SNX10: variants seen among roughly 807,000 people sequenced by gnomAD.
SNX10 encodes the protein sorting nexin 10.
In SNX10, 25 loss-of-function variants were observed where a neutral mutation model predicts 28.5. The observed-to-expected ratio is 0.88, with a 90% CI of 0.64 to 1.22. SNX10 has a LOEUF of 1.22. Among genes scored for constraint, SNX10 ranks in the 50% most tolerant of loss-of-function variants. The pLI is 0.00. For missense variants in SNX10, 223 were observed against 242.6 expected, an observed-to-expected ratio of 0.92 and a Z score of 0.54; for synonymous variants, 62 against 81.4, an observed-to-expected ratio of 0.76 and a Z score of 1.28.
At position 26,360,981 on chromosome 7, in the gene SNX10, G is replaced by T. The variant is rs573789013; in HGVS notation, c.31G>T (p.Val11Leu). The stretch of plus-strand genomic sequence containing the variant: ...GTTTATGATGCCATTACAGGAATTT[G>T]TAAGTGTCTGGGTTCGAGATCCTAG... Reference protein sequence around the residue: MFPEQQKEEFVSVWVRDPRIQ... With the variant: MFPEQQKEEFLSVWVRDPRIQ... The change falls in exon 3 of 7, where the codon GTA becomes TTA. Residue 11 changes from valine to leucine, a missense_variant. Val to Leu is a conservative substitution (Grantham distance 32, BLOSUM62 1). Coordinates refer to ENST00000338523, the MANE Select transcript of SNX10 (RefSeq NM_013322.3). The T allele has an allele frequency of 4.4e-6, 7 of 1,595,222 alleles. No homozygotes were observed. The South Asian group carries it at 4.4e-5, about 10-fold the overall frequency.
chr7:26,339,372 G>A (rs1033059893), intron 1 of SNX10, among the ~76,000 whole-genome samples: 1 of 152,104 alleles, frequency 6.6e-6, no homozygotes, highest in African/African-American at 2.4e-5. Context: ...GGGATTACAG[G>A]CATGTGCCCG....
intron 1 of SNX10, among the ~76,000 whole-genome samples, chr7:26,334,105 G>C (rs1325280851): frequency 2.0e-5 from 3 of 152,224 alleles, no homozygotes; most frequent in African/African-American, 7.2e-5. Flanking sequence ...GGTAGCATAA[G>C]CAAAGTGGGA....
chr7:26,333,482 C>T (rs1336051285), intron 1 of SNX10, among the ~76,000 whole-genome samples: 2 of 151,978 alleles, frequency 1.3e-5, no homozygotes, highest in African/African-American at 4.8e-5. Flanking sequence ...CGCCACCGCA[C>T]CCGGCTAATT....
chr7:26,355,712 C>T (rs1292687350), intron 2 of SNX10, among the ~76,000 whole-genome samples: 1 of 152,176 alleles, frequency 6.6e-6, no homozygotes, highest in Non-Finnish European at 1.5e-5. Flanking sequence ...GAAAAAACTT[C>T]CCCCTCCAAA....
At chr7:26,292,999 A>G (rs970681154) in intron 1 of SNX10, 4 of 152,056 alleles carry the variant, frequency 2.6e-5, no homozygotes, top group African/African-American at 9.7e-5. Flanking sequence ...CTCTCCCAGG[A>G]GGGGGCTGGG....
In SNX10 at chr7:26,364,449, A is replaced by C; in HGVS notation, c.112-86A>C. ...GTGGTTTAAATCCTATTTAGAGTGA[A>C]TGTTGAGATCATATTGTGAATTATA... On this transcript the variant is annotated intron_variant, in intron 3 of 6. Coordinates refer to ENST00000338523, the MANE Select transcript of SNX10 (RefSeq NM_013322.3). This position sits in a 1 kb window ranked among gnomAD's most constrained non-coding sequence, Gnocchi z 4.9. 2 of 1,477,280 alleles carry C rather than the reference A, an allele frequency of 1.4e-6. No individual in the cohort carries two copies. Among genetic ancestry groups the C allele is most frequent in the Non-Finnish European group, 1.8e-6 (2 of 1,110,480 alleles). The allele number at this position is 1,477,280 out of a possible 1,614,324, so 91.5% of individuals were successfully genotyped here.
chr7:26,347,971 G>T (rs1270195229), intron 2 of SNX10, among the ~76,000 whole-genome samples: 1 of 152,036 alleles, frequency 6.6e-6, no homozygotes, highest in Non-Finnish European at 1.5e-5. Flanking sequence ...GTAGAGACAG[G>T]GTCTCTCTTT....
intron 2 of SNX10, among the ~76,000 whole-genome samples, chr7:26,358,478 G>A (rs1026939176): frequency 1.3e-5 from 2 of 152,282 alleles, no homozygotes; most frequent in Admixed American, 6.5e-5. Flanking sequence ...AGTGGCTCAT[G>A]CCTATAATCC....
At chr7:26,351,735 CAA>C (rs1428465437) in intron 2 of SNX10, among the ~76,000 whole-genome samples, 1 of 142,450 alleles carries the variant, frequency 7.0e-6, no homozygotes. Context: ...CGACTCACTG[CAA>C]GCTCCACCTC....
intron 1 of SNX10, among the ~76,000 whole-genome samples, chr7:26,344,328 C>A (rs1414969320): frequency 9.9e-5 from 15 of 151,994 alleles, no homozygotes; most frequent in Admixed American, 9.2e-4. Flanking sequence ...TGCCATGACT[C>A]CCGGATAAGT....
At chr7:26,314,385 G>A (rs1359989887) in intron 1 of SNX10, among the ~76,000 whole-genome samples, 1 of 152,022 alleles carries the variant, frequency 6.6e-6, no homozygotes, top group African/African-American at 2.4e-5. Context: ...CTCCCGAGTA[G>A]CTGGGATTAC....
At chr7:26,327,273 G>T (rs73066502) in intron 1 of SNX10, among the ~76,000 whole-genome samples, 9,510 of 152,122 alleles carry the variant, frequency 0.063, 716 homozygotes, top group African/African-American at 0.18. Context: ...CTTTTGAAGT[G>T]CAGCCCTTCC....
intron 2 of SNX10, among the ~76,000 whole-genome samples, chr7:26,352,041 T>TA (rs1440357301): frequency 3.9e-5 from 6 of 152,106 alleles, no homozygotes; most frequent in Non-Finnish European, 7.4e-5. Flanking sequence ...CATGCTAATA[T>TA]AAAATGTTAA....
chr7:26,345,764 T>A (rs1009789295), intron 1 of SNX10, among the ~76,000 whole-genome samples: 1 of 152,226 alleles, frequency 6.6e-6, no homozygotes, highest in Non-Finnish European at 1.5e-5. Flanking sequence ...GGAATTTAAA[T>A]TTGCTTTTTG....
chr7:26,346,107 A>C (rs1788376717), intron 1 of SNX10, among the ~76,000 whole-genome samples: 1 of 152,102 alleles, frequency 6.6e-6, no homozygotes, highest in African/African-American at 2.4e-5. Context: ...GCTCCCCGGC[A>C]TCTCCAGCTT....
At chr7:26,357,343 A>AT (rs1371586527) in intron 2 of SNX10, among the ~76,000 whole-genome samples, 1 of 151,636 alleles carries the variant, frequency 6.6e-6, no homozygotes, top group African/African-American at 2.4e-5. Context: ...AAAAAAAAAA[A>AT]AAAGGCAGTA....
rs1785944696 is a variant in SNX10 at position 26,292,087 on chromosome 7, G to GT, written c.-24+2dup. 6.6e-6 allele frequency: 1 copy of GT among 152,388 alleles called. No individual in the cohort carries two copies. The highest frequency in any genetic ancestry group is 1.5e-5 in the Non-Finnish European group (1 of 68,156). The allele number at this position is 152,388 out of a possible 1,614,324, so 9.4% of individuals were successfully genotyped here. A position where few individuals can be genotyped will look rare whatever the true frequency, so the allele number is the denominator to read the frequency against. On this transcript the variant is annotated splice_donor_variant, in intron 1 of 6. Transcript: ENST00000338523. LOFTEE classifies it low-confidence loss of function (5UTR_SPLICE). Reference sequence around the variant, plus strand: ...TCTGTTCTGCCCGGAGGAGCCGCCCGTAAGTGACAAGAGACCCGCTGAGGG... The same window carrying GT: ...TCTGTTCTGCCCGGAGGAGCCGCCCGTTAAGTGACAAGAGACCCGCTGAGGG...
chr7:26,348,699 ACT>A (rs1788485445), intron 2 of SNX10, among the ~76,000 whole-genome samples: 2 of 152,164 alleles, frequency 1.3e-5, no homozygotes, highest in African/African-American at 2.4e-5. Flanking sequence ...GGTCTCTAGC[ACT>A]CTGCAGGATC....
intron 1 of SNX10, among the ~76,000 whole-genome samples, chr7:26,323,347 CTT>C (rs1440069757): frequency 6.6e-6 from 1 of 152,064 alleles, no homozygotes; most frequent in Non-Finnish European, 1.5e-5. Context: ...GCAAAGATGA[CTT>C]TGGAAACATG....
Sources: gnomAD v4.1 joint callset for allele counts (sites outside exome capture counted in the v4.1 genomes callset) on GRCh38, gnomAD v4.1.1 for gene constraint, Gnocchi (gnomAD v3.1) non-coding constraint, MANE v1.5 for transcripts, NCBI Gene and HGNC (gene_info 2026-07-23, HGNC 2026-07-21) for gene names.